ELOVL6: variants seen among roughly 807,000 people sequenced by gnomAD.
ELOVL6 encodes ELOVL fatty acid elongase 6.
Under a neutral mutation model 31.7 loss-of-function variants are expected in ELOVL6, and 8 were observed. The observed-to-expected ratio is 0.25, with a 90% CI of 0.15 to 0.45. ELOVL6 has a LOEUF of 0.45. ELOVL6 is among the 20% of genes least tolerant of loss of function. The pLI is 1.00. For synonymous variants in ELOVL6, 101 were observed against 117.7 expected, an observed-to-expected ratio of 0.86 and a Z score of 0.92; for missense variants, 126 against 326.4, an observed-to-expected ratio of 0.39 and a Z score of 4.73.
Position 110,051,329 on chromosome 4 carries a change from G to C in ELOVL6, c.*9C>G. On this transcript the variant is annotated 3_prime_UTR_variant, in exon 4 of 4. Coordinates refer to ENST00000302274, the MANE Select transcript of ELOVL6 (RefSeq NM_024090.3). The surrounding 1 kb of genome is among the most constrained non-coding windows in gnomAD (Gnocchi z 4.8). ...ACCCTGAGCTATGGCTTCCTCCTCA[G>C]TTCCAACACTATTCAGCTTTCGTTG... is the stretch of plus-strand genomic sequence containing the variant. 1 of 1,612,898 alleles carries C rather than the reference G, an allele frequency of 6.2e-7. No individual in the cohort carries two copies.
intron 1 of ELOVL6, among the ~76,000 whole-genome samples, chr4:110,140,169 G>A (rs1356210652): frequency 6.6e-6 from 1 of 152,146 alleles, no homozygotes; most frequent in Non-Finnish European, 1.5e-5. Context: ...ACTTGACTTT[G>A]TGTTTCACAG....
rs1239938595 is a variant in ELOVL6, at chr4:110,051,055, G to A, written c.*283C>T. On this transcript the variant is annotated 3_prime_UTR_variant, in exon 4 of 4. Coordinates refer to ENST00000302274, the MANE Select transcript of ELOVL6 (RefSeq NM_024090.3). This position sits in a 1 kb window ranked among gnomAD's most constrained non-coding sequence, Gnocchi z 4.8. ...GATTAGTCTCCTCTGCTTCTGGCTT[G>A]CTTTTGTTCTCCCTTGTCCTAGAGT... is the stretch of plus-strand genomic sequence containing the variant. The A allele has an allele frequency of 5.1e-6, 2 of 389,928 alleles. No individual in the cohort carries two copies. Among genetic ancestry groups the A allele is most frequent in the East Asian group, 9.7e-5 (2 of 20,620 alleles). 24.2% of individuals were successfully genotyped at this position (389,928 alleles called of 1,614,324 possible). A position where few individuals can be genotyped will look rare whatever the true frequency, so the allele number is the denominator to read the frequency against.
rs1289198522 is a variant in ELOVL6, at chr4:110,084,219, T to TTATATGATATATATAACA, written c.221+21260_221+21277dup. On this transcript the variant is annotated intron_variant, in intron 2 of 3. Coordinates refer to ENST00000302274, the MANE Select transcript of ELOVL6 (RefSeq NM_024090.3). ...TTATATGATATATATAACATATAAC[T>TTATATGATATATATAACA]TATATGATATATATAACATATATGA... Among the ~76,000 whole-genome samples the TTATATGATATATATAACA allele has an allele frequency of 2.1e-4, 11 of 51,494 alleles. 2 individuals carry two copies. Among genetic ancestry groups the TTATATGATATATATAACA allele is most frequent in the Non-Finnish European group, 4.0e-4 (11 of 27,314 alleles). 33.8% of individuals were successfully genotyped at this position (51,494 alleles called of 152,430 possible).
At chr4:110,090,849 C>A (rs769243934) in intron 2 of ELOVL6, among the ~76,000 whole-genome samples, 1 of 151,984 alleles carries the variant, frequency 6.6e-6, no homozygotes, top group East Asian at 1.9e-4. Flanking sequence ...GCGATCCACC[C>A]GCCTCGGCCT....
chr4:110,087,892 AAAAG>A (rs1756314884), intron 2 of ELOVL6, among the ~76,000 whole-genome samples: 2 of 151,862 alleles, frequency 1.3e-5, no homozygotes, highest in Non-Finnish European at 2.9e-5. Context: ...TTGTCTAGTC[AAAAG>A]ATGGTTCATT....
chr4:110,190,906 G>A (rs1235602790), intron 1 of ELOVL6, among the ~76,000 whole-genome samples: 9 of 150,950 alleles, frequency 6.0e-5, no homozygotes, highest in African/African-American at 1.2e-4. Context: ...TGCAACCTCC[G>A]CCTCCAGGTT....
intron 2 of ELOVL6, among the ~76,000 whole-genome samples, chr4:110,068,607 T>TA (rs1223926072): frequency 6.6e-6 from 1 of 152,188 alleles, no homozygotes; most frequent in African/African-American, 2.4e-5. Context: ...CTAAGCTTTT[T>TA]AAACATAAAA....
chr4:110,084,191 A>ATGTGATATATATGATATATATATC (rs1454578180), intron 2 of ELOVL6, among the ~76,000 whole-genome samples: 1 of 87,238 alleles, frequency 1.1e-5, no homozygotes, highest in Non-Finnish European at 2.1e-5. Flanking sequence ...TATAACATAT[A>ATGTGATATATATGATATATATATC]ACTTATATGA....
chr4:110,103,042 G>A (rs1756795576), intron 2 of ELOVL6, among the ~76,000 whole-genome samples: 1 of 152,052 alleles, frequency 6.6e-6, no homozygotes, highest in Non-Finnish European at 1.5e-5. Flanking sequence ...GCTTATCAGG[G>A]GTTTCCACTT....
chr4:110,181,883 C>A (rs1408643233), intron 1 of ELOVL6, among the ~76,000 whole-genome samples: 2 of 152,182 alleles, frequency 1.3e-5, no homozygotes, highest in African/African-American at 4.8e-5. Context: ...GACAGACTGG[C>A]CCCTTCTAAA....
chr4:110,060,511 G>A (rs1158247348), intron 2 of ELOVL6, among the ~76,000 whole-genome samples: 1 of 144,594 alleles, frequency 6.9e-6, no homozygotes, highest in African/African-American at 2.9e-5. Flanking sequence ...TTGAAAAAGT[G>A]AGATTGTTGA....
chr4:110,070,675 C>A (rs1410472375), intron 2 of ELOVL6, among the ~76,000 whole-genome samples: 1 of 152,090 alleles, frequency 6.6e-6, no homozygotes, highest in Admixed American at 6.5e-5. Context: ...TTCCCCCTTG[C>A]CGTTCTTGTG....
At chr4:110,153,145 G>A (rs1391946235) in intron 1 of ELOVL6, among the ~76,000 whole-genome samples, 1 of 152,120 alleles carries the variant, frequency 6.6e-6, no homozygotes, top group Non-Finnish European at 1.5e-5. Context: ...CCCTGACAGA[G>A]ATGAAGAAAC....
intron 1 of ELOVL6, among the ~76,000 whole-genome samples, chr4:110,187,117 A>C (rs764512445): frequency 4.0e-5 from 6 of 151,752 alleles, no homozygotes; most frequent in Non-Finnish European, 5.9e-5. Flanking sequence ...AAATTTAAAA[A>C]TGTGTGAGGC....
Position 110,060,465 on chromosome 4 carries a change from A to G in ELOVL6, c.222-711T>C, listed in dbSNP as rs113503836. Among the ~76,000 whole-genome samples the G allele has an allele frequency of 3.9e-3, 592 of 152,310 alleles. 3 individuals carry two copies. The highest frequency in any genetic ancestry group is 0.014 in the African/African-American group (573 of 41,554). On this transcript the variant is annotated intron_variant, in intron 2 of 3. Coordinates refer to ENST00000302274, the MANE Select transcript of ELOVL6 (RefSeq NM_024090.3). ...TTCTTCAATGCCCCGCAATGTGTTT[A>G]ATCTCCACATAGGCACAGGTGCTCA...
chr4:110,164,198 AGGGAGGTT>A (rs1355596648), intron 1 of ELOVL6, among the ~76,000 whole-genome samples: 7 of 152,144 alleles, frequency 4.6e-5, no homozygotes, highest in African/African-American at 1.7e-4. Context: ...ATGGGGGCCT[AGGGAGGTT>A]AATGAATGTG....
chr4:110,150,862 G>C (rs981924551), intron 1 of ELOVL6, among the ~76,000 whole-genome samples: 12 of 152,200 alleles, frequency 7.9e-5, no homozygotes, highest in Admixed American at 7.9e-4. Flanking sequence ...GGCCAACATG[G>C]TGAAACTCTG....
intron 1 of ELOVL6, among the ~76,000 whole-genome samples, chr4:110,120,571 C>T (rs1004819220): frequency 1.3e-5 from 2 of 152,082 alleles, no homozygotes; most frequent in East Asian, 1.9e-4. Flanking sequence ...CAAACTACTA[C>T]TATGCATTGT....
intron 1 of ELOVL6, chr4:110,146,494 A>G (rs4146696): frequency 0.84 from 128,604 of 152,846 alleles, 54,498 homozygotes; most frequent in African/African-American, 0.92. Flanking sequence ...ACAAAAAGCC[A>G]CTAAGTATCT....
Sources: gnomAD v4.1 joint callset for allele counts (sites outside exome capture counted in the v4.1 genomes callset) on GRCh38, gnomAD v4.1.1 for gene constraint, Gnocchi (gnomAD v3.1) non-coding constraint, MANE v1.5 for transcripts, NCBI Gene and HGNC (gene_info 2026-07-23, HGNC 2026-07-21) for gene names.